Variants in LRFN2 observed in about 807,000 individuals in gnomAD.
The protein encoded by LRFN2 is leucine-rich repeat and fibronectin type-III domain-containing protein 2.
In LRFN2, 18 loss-of-function variants were observed where a neutral mutation model predicts 37.3. That is an observed-to-expected ratio of 0.48 (90% confidence interval 0.33 to 0.72). The LOEUF (loss-of-function observed/expected upper bound fraction) is 0.72. Among genes scored for constraint, LRFN2 ranks in the 30% least tolerant of loss-of-function variants. The pLI is 0.02. For missense variants in LRFN2, 1,006 were observed against 1,060.7 expected (o/e 0.95, Z 0.72); for synonymous variants, 556 against 466.6 (o/e 1.19, Z -2.47).
chr6:40,551,566 A>T (rs1340042059), intron 1 of LRFN2, among the ~76,000 whole-genome samples: 1 of 152,202 alleles, frequency 6.6e-6, no homozygotes, highest in African/African-American at 2.4e-5. Context: ...TAATTAATTC[A>T]TTTGGATTTA....
chr6:40,416,306 G>A (rs1763091148), intron 2 of LRFN2, among the ~76,000 whole-genome samples: 1 of 152,204 alleles, frequency 6.6e-6, no homozygotes, highest in African/African-American at 2.4e-5. Context: ...ACCATGTCCG[G>A]CCAATGAGGT....
chr6:40,443,631 T>C (rs773983868), intron 1 of LRFN2, among the ~76,000 whole-genome samples: 15 of 152,322 alleles, frequency 9.8e-5, no homozygotes, highest in Non-Finnish European at 1.8e-4. Flanking sequence ...TTTATTGCTG[T>C]CCTCTGTCCC....
chr6:40,498,117 G>A (rs767417570), intron 1 of LRFN2, among the ~76,000 whole-genome samples: 13 of 152,118 alleles, frequency 8.5e-5, no homozygotes, highest in Non-Finnish European at 1.2e-4. Context: ...ACAACAGCGC[G>A]CCTATAGATC....
At chr6:40,544,248 G>A (rs539602632) in intron 1 of LRFN2, among the ~76,000 whole-genome samples, 12 of 152,360 alleles carry the variant, frequency 7.9e-5, no homozygotes, top group South Asian at 6.2e-4. Flanking sequence ...ACGGAAGTCC[G>A]CAGAGTGTCT....
At chr6:40,552,824 C>G (rs756978867) in intron 1 of LRFN2, among the ~76,000 whole-genome samples, 8 of 152,152 alleles carry the variant, frequency 5.3e-5, no homozygotes, top group Non-Finnish European at 8.8e-5. Context: ...TGTCCATAAG[C>G]ATCCTTTAAA....
intron 1 of LRFN2, among the ~76,000 whole-genome samples, chr6:40,547,740 C>T (rs185185757): frequency 1.4e-4 from 21 of 152,192 alleles, no homozygotes; most frequent in African/African-American, 2.2e-4. Context: ...GAGTCTGGCC[C>T]GCAAGCAAAG....
intron 1 of LRFN2, among the ~76,000 whole-genome samples, chr6:40,562,842 C>T (rs923608360): frequency 2.0e-5 from 3 of 150,504 alleles, no homozygotes; most frequent in Admixed American, 1.3e-4. Flanking sequence ...CACTCACACA[C>T]ACACACACAC....
At chr6:40,414,522 A>T (rs1763052374) in intron 2 of LRFN2, among the ~76,000 whole-genome samples, 4 of 152,190 alleles carry the variant, frequency 2.6e-5, no homozygotes, top group African/African-American at 9.7e-5. Flanking sequence ...GTTGACTCTT[A>T]TTATCCTTAT....
intron 2 of LRFN2, among the ~76,000 whole-genome samples, chr6:40,424,807 C>T (rs1166754073): frequency 6.6e-6 from 1 of 152,218 alleles, no homozygotes; most frequent in Non-Finnish European, 1.5e-5. Context: ...GCATGCCCCA[C>T]TCCCTTTAGA....
chr6:40,573,933 C>T (rs1034659775), intron 1 of LRFN2, among the ~76,000 whole-genome samples: 1 of 152,178 alleles, frequency 6.6e-6, no homozygotes, highest in Non-Finnish European at 1.5e-5. Flanking sequence ...TGCACTGCAG[C>T]CTGGGCAACA....
At chr6:40,453,291 A>G (rs1764155902) in intron 1 of LRFN2, among the ~76,000 whole-genome samples, 1 of 152,136 alleles carries the variant, frequency 6.6e-6, no homozygotes, top group Non-Finnish European at 1.5e-5. Context: ...GGCAAAGGAG[A>G]AACTAATTGG....
At chr6:40,554,212 G>T (rs1009817111) in intron 1 of LRFN2, among the ~76,000 whole-genome samples, 8 of 152,200 alleles carry the variant, frequency 5.3e-5, no homozygotes, top group African/African-American at 1.9e-4. Context: ...TCAAGAACAG[G>T]CTACCTGGAA....
At chr6:40,450,833 G>A (rs1376810440) in intron 1 of LRFN2, among the ~76,000 whole-genome samples, 1 of 152,186 alleles carries the variant, frequency 6.6e-6, no homozygotes, top group African/African-American at 2.4e-5. Flanking sequence ...AATGTAAGAA[G>A]CAAATGAGTA....
At chr6:40,554,689 T>C (rs420632) in intron 1 of LRFN2, among the ~76,000 whole-genome samples, 18,482 of 152,040 alleles carry the variant, frequency 0.12, 1,320 homozygotes, top group Non-Finnish European at 0.16. Flanking sequence ...TACAGATGGG[T>C]GAACTGAGAC....
At chr6:40,533,718 A>G (rs1336454958) in intron 1 of LRFN2, among the ~76,000 whole-genome samples, 1 of 152,144 alleles carries the variant, frequency 6.6e-6, no homozygotes, top group South Asian at 2.1e-4. Flanking sequence ...AGACTTGACA[A>G]ACAAGTATTG....
intron 1 of LRFN2, among the ~76,000 whole-genome samples, chr6:40,436,589 C>G (rs1324387326): frequency 6.6e-6 from 1 of 152,084 alleles, no homozygotes. Context: ...CCCATGAGCA[C>G]CTGCCCACCC....
chr6:40,445,668 C>T (rs536056193), intron 1 of LRFN2, among the ~76,000 whole-genome samples: 8 of 152,180 alleles, frequency 5.3e-5, no homozygotes, highest in African/African-American at 1.7e-4. Flanking sequence ...CAAGAGGCCC[C>T]GGCTTGAGAA....
At chr6:40,448,996 A>G (rs984296178) in intron 1 of LRFN2, among the ~76,000 whole-genome samples, 5 of 152,178 alleles carry the variant, frequency 3.3e-5, no homozygotes, top group Admixed American at 6.5e-5. Flanking sequence ...CTCTTCCTTG[A>G]CACGCAGCAT....
chr6:40,454,059 G>T (rs946168730), intron 1 of LRFN2, among the ~76,000 whole-genome samples: 6 of 152,200 alleles, frequency 3.9e-5, no homozygotes, highest in Non-Finnish European at 5.9e-5. Context: ...TAGTTGGGAT[G>T]CTCCAGACCA....
Sources: gnomAD v4.1 joint callset for allele counts (sites outside exome capture counted in the v4.1 genomes callset) on GRCh38, gnomAD v4.1.1 for gene constraint, MANE v1.5 for transcripts, NCBI Gene and HGNC (gene_info 2026-07-23, HGNC 2026-07-21) for gene names.